The following PHF2 variants were observed in gnomAD, a reference collection of about 807,000 sequenced individuals.
PHF2 encodes lysine-specific demethylase PHF2.
A neutral mutation model predicts 120.5 loss-of-function variants in PHF2; 27 were observed. That is an observed-to-expected ratio of 0.22 (90% CI 0.17 to 0.31). The LOEUF (loss-of-function observed/expected upper bound fraction) is 0.31, where lower values mean the gene tolerates loss of function less well. Among genes scored for constraint, PHF2 ranks in the 10% least tolerant of loss-of-function variants. The pLI, the probability that PHF2 is intolerant of heterozygous loss-of-function variation, is 1.00. For synonymous variants in PHF2, 568 were observed against 592.5 expected, an observed-to-expected ratio of 0.96 and a Z score of 0.60; for missense variants, 1,024 against 1,434.8, an observed-to-expected ratio of 0.71 and a Z score of 4.63.
intron 1 of PHF2, among the ~76,000 whole-genome samples, chr9:93,585,051 T>A (rs1318478611): frequency 6.6e-6 from 1 of 152,270 alleles, no homozygotes; most frequent in African/African-American, 2.4e-5. Flanking sequence ...ATGGCACTTT[T>A]ATCTTTTTTT....
intron 14 of PHF2, 116 bp from the exon 15 acceptor site, chr9:93,665,570 C>T (rs1395123596): frequency 6.3e-6 from 7 of 1,115,292 alleles, no homozygotes; most frequent in Non-Finnish European, 7.7e-6. Flanking sequence ...GCAACGTCAC[C>T]TGCCTCCTGG....
At chr9:93,641,421 G>A (rs916830880) in intron 3 of PHF2, among the ~76,000 whole-genome samples, 3 of 152,222 alleles carry the variant, frequency 2.0e-5, no homozygotes, top group Non-Finnish European at 4.4e-5. Context: ...CAGGTAAGGC[G>A]ATCTCAGCTA....
At chr9:93,658,031 G>A in intron 9 of PHF2, 114 bp from the exon 10 acceptor site, 1 of 682,904 alleles carries the variant, frequency 1.5e-6, no homozygotes, top group Non-Finnish European at 2.6e-6. Flanking sequence ...CATGGGCGGA[G>A]GGAGACCTCT....
rs200919035 is a variant in PHF2 at position 93,593,084 on chromosome 9, CAAAAAA to C, written c.98+16235_98+16240del. Among the ~76,000 whole-genome samples, 428 of 83,386 alleles carry C rather than the reference CAAAAAA, an allele frequency of 5.1e-3. 5 individuals are homozygous for C. The highest frequency in any genetic ancestry group is 0.021 in the African/African-American group (381 of 17,796). The allele number at this position is 83,386 out of a possible 152,430, so 54.7% of individuals were successfully genotyped here. A position where few individuals can be genotyped will look rare whatever the true frequency, so the allele number is the denominator to read the frequency against. ...TCTTTGCTTTTCTTGTCCTTTATGC[CAAAAAA>C]AAAAAAAAAAAAAAAAAAAAAGAAA... On this transcript the variant is annotated intron_variant, in intron 1 of 21. Coordinates refer to ENST00000359246, the MANE Select transcript of PHF2 (RefSeq NM_005392.4).
At chr9:93,671,614 A>G (rs1285129485) in intron 17 of PHF2, among the ~76,000 whole-genome samples, 2 of 140,782 alleles carry the variant, frequency 1.4e-5, no homozygotes, top group East Asian at 2.2e-4. Context: ...GTGTAGATGC[A>G]GGTGTGGGTG....
intron 14 of PHF2, among the ~76,000 whole-genome samples, chr9:93,664,675 G>A (rs1486455206): frequency 6.6e-6 from 1 of 152,238 alleles, no homozygotes; most frequent in African/African-American, 2.4e-5. Flanking sequence ...GCGGGGTCCT[G>A]TGGCTGCCCA....
At position 93,667,046 on chromosome 9, in the gene PHF2, T is replaced by C. The variant is rs1438757115; in HGVS notation, c.2188-34T>C. Reference sequence around the variant, plus strand: ...CCAGGCCACTTTGGTGGCCAGACCCTCCCCTGACCGAAGCCCTGTCCCTCG... The same window carrying C: ...CCAGGCCACTTTGGTGGCCAGACCCCCCCCTGACCGAAGCCCTGTCCCTCG... On this transcript the variant is annotated intron_variant, in intron 16 of 21. Transcript: ENST00000359246. 5.1e-6 allele frequency: 8 copies of C among 1,580,884 alleles called. No individual in the cohort carries two copies. The South Asian group carries it at 5.7e-5, about 11-fold the overall frequency.
intron 1 of PHF2, among the ~76,000 whole-genome samples, chr9:93,610,762 C>T (rs1160336029): frequency 6.6e-6 from 1 of 152,194 alleles, no homozygotes; most frequent in Non-Finnish European, 1.5e-5. Context: ...ATGCTTGCCC[C>T]CCTGCTTCCT....
At chr9:93,577,930 C>A (rs1358455580) in intron 1 of PHF2, among the ~76,000 whole-genome samples, 1 of 152,186 alleles carries the variant, frequency 6.6e-6, no homozygotes, top group Non-Finnish European at 1.5e-5. Flanking sequence ...CTGGCCAGGG[C>A]TGTATGCCCT....
intron 1 of PHF2, among the ~76,000 whole-genome samples, chr9:93,593,256 A>C (rs1228802750): frequency 6.6e-6 from 1 of 151,956 alleles, no homozygotes; most frequent in Admixed American, 6.6e-5. Context: ...CACCCCCTGG[A>C]CCCAAGGCAC....
intron 6 of PHF2, among the ~76,000 whole-genome samples, chr9:93,653,919 C>A (rs767142988): frequency 6.6e-6 from 1 of 152,200 alleles, no homozygotes; most frequent in Non-Finnish European, 1.5e-5. Context: ...ACATGCTGAT[C>A]CCACCTCTGG....
At chr9:93,650,153 A>T (rs1157110649) in intron 5 of PHF2, among the ~76,000 whole-genome samples, 7 of 151,210 alleles carry the variant, frequency 4.6e-5, no homozygotes. Context: ...GTACACTCAC[A>T]CATGGACACA....
rs1218546098 is a variant in PHF2, at chr9:93,656,847, G to A, written c.1147+252G>A. On this transcript the variant is annotated intron_variant, in intron 9 of 21. Coordinates refer to ENST00000359246, the MANE Select transcript of PHF2 (RefSeq NM_005392.4). The surrounding 1 kb of genome is among the most constrained non-coding windows in gnomAD (Gnocchi z 4.1). ...ACGAACACTGGGCTGTGGGTTGAGA[G>A]GGGTGAGTGTGCATGGCCTCAGTGC... Among the ~76,000 whole-genome samples, 3 of 152,192 alleles carry A rather than the reference G, an allele frequency of 2.0e-5. No homozygotes were observed. Among genetic ancestry groups the A allele is most frequent in the African/African-American group, 7.2e-5 (3 of 41,440 alleles).
At chr9:93,578,783 C>T (rs1220135522) in intron 1 of PHF2, among the ~76,000 whole-genome samples, 1 of 152,146 alleles carries the variant, frequency 6.6e-6, no homozygotes, top group Admixed American at 6.5e-5. Flanking sequence ...TGTATTGGCC[C>T]ATGCAAAAAA....
chr9:93,603,440 C>T (rs1251519503), intron 1 of PHF2, among the ~76,000 whole-genome samples: 1 of 152,104 alleles, frequency 6.6e-6, no homozygotes, highest in Admixed American at 6.5e-5. Flanking sequence ...CATGGTCTTC[C>T]CAAAGTAATG....
intron 5 of PHF2, among the ~76,000 whole-genome samples, chr9:93,651,756 G>A (rs180980666): frequency 1.4e-4 from 21 of 152,310 alleles, no homozygotes; most frequent in African/African-American, 2.9e-4. Context: ...ACCTCCTCCC[G>A]CCAACTCAGA....
chr9:93,584,928 T>G (rs994263483), intron 1 of PHF2, among the ~76,000 whole-genome samples: 16 of 152,266 alleles, frequency 1.1e-4, no homozygotes, highest in African/African-American at 3.9e-4. Context: ...TTATAGTTGT[T>G]GGTTTACAAG....
chr9:93,626,933 T>C (rs976720998), intron 1 of PHF2, among the ~76,000 whole-genome samples: 1 of 152,268 alleles, frequency 6.6e-6, no homozygotes, highest in African/African-American at 2.4e-5. Context: ...ATTCCATTGA[T>C]CTATATGTCT....
At chr9:93,615,151 GTGA>G (rs1301443130) in intron 1 of PHF2, among the ~76,000 whole-genome samples, 58 of 145,832 alleles carry the variant, frequency 4.0e-4, no homozygotes, top group African/African-American at 1.4e-3. Flanking sequence ...GATAGTAATG[GTGA>G]TGATGATGGT....
Sources: allele counts gnomAD v4.1 joint callset (sites outside exome capture counted in the v4.1 genomes callset), GRCh38; gene constraint gnomAD v4.1.1; non-coding constraint Gnocchi (gnomAD v3.1); transcripts MANE v1.5; gene names NCBI Gene and HGNC (gene_info 2026-07-23, HGNC 2026-07-21).